The following CADPS2 variants were observed in gnomAD, a reference collection of about 807,000 sequenced individuals.
The protein encoded by CADPS2 is calcium dependent secretion activator 2.
CADPS2 carries 93 observed loss-of-function variants against 172.5 expected under a neutral mutation model. The observed-to-expected ratio is 0.54, with a 90% CI of 0.46 to 0.64. The LOEUF (loss-of-function observed/expected upper bound fraction) is 0.64, where lower values mean the gene tolerates loss of function less well. CADPS2 is among the 30% of genes least tolerant of loss of function. The pLI, the probability that CADPS2 is intolerant of heterozygous loss-of-function variation, is 0.00. For synonymous variants in CADPS2, 546 were observed against 555.2 expected (o/e 0.98, Z 0.23); for missense variants, 1,420 against 1,565.9 (o/e 0.91, Z 1.57).
chr7:122,369,499 G>C (rs545612352), intron 25 of CADPS2: 1 of 152,246 alleles, frequency 6.6e-6, no homozygotes, highest in African/African-American at 2.4e-5. Context: ...CTTGGCCTGA[G>C]AACAGTGGCT....
chr7:122,758,538 A>G (rs1045318936), intron 1 of CADPS2, among the ~76,000 whole-genome samples: 3 of 152,242 alleles, frequency 2.0e-5, no homozygotes, highest in Non-Finnish European at 4.4e-5. Flanking sequence ...TCAAAATACT[A>G]TACCTTTAAA....
At chr7:122,809,792 G>T (rs895345719) in intron 1 of CADPS2, among the ~76,000 whole-genome samples, 7 of 152,106 alleles carry the variant, frequency 4.6e-5, no homozygotes, top group African/African-American at 1.4e-4. Flanking sequence ...TCATGCAAGT[G>T]TCCAGTCCAC....
chr7:122,695,586 C>A (rs1006266352), intron 2 of CADPS2, among the ~76,000 whole-genome samples: 8 of 152,152 alleles, frequency 5.3e-5, no homozygotes, highest in Non-Finnish European at 1.2e-4. Flanking sequence ...AGTCCTCTAC[C>A]TGGCACATGG....
At position 122,844,905 on chromosome 7, in the gene CADPS2, T is replaced by TAA. The variant is rs11378013; in HGVS notation, c.339+41092_339+41093dup. Among the ~76,000 whole-genome samples the TAA allele has an allele frequency of 3.1e-3, 459 of 147,304 alleles. 2 individuals carry two copies. The highest frequency in any genetic ancestry group is 0.01 in the Middle Eastern group (3 of 288). ...AAAACAACATCAAAATGAAAAAAGGTAAAAAAAAAAAATCATTTTATTCTA... is the reference window on the plus strand; with the variant it reads ...AAAACAACATCAAAATGAAAAAAGGTAAAAAAAAAAAAAATCATTTTATTCTA... On this transcript the variant is annotated intron_variant, in intron 1 of 29. Coordinates refer to ENST00000449022, the MANE Select transcript of CADPS2 (RefSeq NM_017954.11).
Position 122,663,409 on chromosome 7 carries a change from G to T in CADPS2, c.614C>A (p.Ala205Asp), listed in dbSNP as rs769948256. The part of the protein sequence containing the change: ...SKETVLSSWI[A>D]KYDAIYRGEE... Reference sequence around the variant, plus strand: ...ACCTCTGTAAATGGCATCATATTTGGCTATCCATGAGCTCAACACTGTCTC... The same window carrying T: ...ACCTCTGTAAATGGCATCATATTTGTCTATCCATGAGCTCAACACTGTCTC... Residue 205 changes from alanine to aspartate, a missense_variant, in exon 3 of 30, where the codon GCC (alanine) becomes GAC (aspartate). Transcript: ENST00000449022. The T allele has an allele frequency of 1.1e-5, 17 of 1,613,708 alleles. No homozygotes were observed. Among genetic ancestry groups the T allele is most frequent in the Non-Finnish European group, 1.4e-5 (17 of 1,179,874 alleles).
chr7:122,672,498 G>GT (rs1260439919), intron 2 of CADPS2, among the ~76,000 whole-genome samples: 1 of 152,276 alleles, frequency 6.6e-6, no homozygotes, highest in Non-Finnish European at 1.5e-5. Context: ...AATCCTTACA[G>GT]TCACCTAGTA....
intron 17 of CADPS2, among the ~76,000 whole-genome samples, chr7:122,423,507 G>T (rs2048782756): frequency 6.6e-6 from 1 of 152,126 alleles, no homozygotes; most frequent in Non-Finnish European, 1.5e-5. Context: ...GTTCTTTAGG[G>T]TCAAGTGGCC....
At position 122,471,383 on chromosome 7, in the gene CADPS2, G is replaced by A. The variant is rs147217313; in HGVS notation, c.2178C>T (p.His726=). 1.5e-4 allele frequency: 239 copies of A among 1,610,468 alleles called. No homozygotes were observed. In the East Asian group the frequency reaches 2.9e-3, roughly 19 times the overall value. Residue 726 remains histidine (H), a synonymous_variant, in exon 14 of 30, where the codon CAC becomes CAT. Transcript: ENST00000449022. ...TTTGCAAGTAAAAATACCTGTTGCC[G>A]TGCACATGAGAGGCACAGAATGCAA... ...YSFAFCASHV[H]GNRPDGIGTV...
At position 122,318,615 on chromosome 7, in the gene CADPS2, C is replaced by T. The variant is rs1203245306; in HGVS notation, c.*1550G>A. The T allele has an allele frequency of 2.0e-5, 3 of 152,188 alleles. No homozygotes were observed. The highest frequency in any genetic ancestry group is 6.5e-5 in the Admixed American group (1 of 15,270). The allele number at this position is 152,188 out of a possible 1,614,324, so 9.4% of individuals were successfully genotyped here. A position where few individuals can be genotyped will look rare whatever the true frequency, so the allele number is the denominator to read the frequency against. On this transcript the variant is annotated 3_prime_UTR_variant, in exon 30 of 30. Transcript: ENST00000449022. ...GAATAGAGAAGAAAAGGAGGGAGAA[C>T]ATTCCCAAACTGCCTTTCAAAGATA...
intron 1 of CADPS2, among the ~76,000 whole-genome samples, chr7:122,760,005 C>T (rs1218377176): frequency 6.6e-6 from 1 of 151,340 alleles, no homozygotes; most frequent in Non-Finnish European, 1.5e-5. Flanking sequence ...TATATATACA[C>T]ACACACACAC....
intron 1 of CADPS2, among the ~76,000 whole-genome samples, chr7:122,869,248 A>C (rs1049151416): frequency 6.6e-6 from 1 of 152,078 alleles, no homozygotes; most frequent in East Asian, 1.9e-4. Flanking sequence ...ACAATAAGAC[A>C]CATTATAATC....
At chr7:122,811,708 T>C (rs1396050770) in intron 1 of CADPS2, among the ~76,000 whole-genome samples, 1 of 152,150 alleles carries the variant, frequency 6.6e-6, no homozygotes, top group Non-Finnish European at 1.5e-5. Context: ...AAAAACAAAT[T>C]ATGGTCTTTG....
chr7:122,455,768 A>G (rs1166782466), intron 14 of CADPS2, among the ~76,000 whole-genome samples: 2 of 152,110 alleles, frequency 1.3e-5, no homozygotes, highest in Admixed American at 1.3e-4. Context: ...GTGCAGTGGC[A>G]CAATTTCAGC....
At position 122,801,179 on chromosome 7, in the gene CADPS2, A is replaced by T. The variant is rs532966158; in HGVS notation, c.340-64111T>A. Among the ~76,000 whole-genome samples, 6 of 152,276 alleles carry T rather than the reference A, an allele frequency of 3.9e-5. No individual in the cohort carries two copies. In the South Asian group the frequency reaches 1.2e-3, roughly 32 times the overall value. ...CAAAAATATGTACATATAGGGAGAG[A>T]TAGAGACCAAAACAGAATGTTCAAC... On this transcript the variant is annotated intron_variant, in intron 1 of 29. Coordinates refer to ENST00000449022, the MANE Select transcript of CADPS2 (RefSeq NM_017954.11).
At chr7:122,734,387 GAAAA>G (rs768675808) in intron 2 of CADPS2, among the ~76,000 whole-genome samples, 1 of 90,798 alleles carries the variant, frequency 1.1e-5, no homozygotes, top group African/African-American at 4.0e-5. Context: ...AAAAAAAAAA[GAAAA>G]AAAAAAAAGA....
chr7:122,366,682 T>C (rs559109854), intron 25 of CADPS2: 8 of 121,318 alleles, frequency 6.6e-5, no homozygotes, highest in East Asian at 4.0e-4. Context: ...TATATATATA[T>C]ACGTATATAT....
chr7:122,772,323 C>A lies in CADPS2; in HGVS notation c.340-35255G>T, dbSNP rs970992134. On this transcript the variant is annotated intron_variant, in intron 1 of 29. Coordinates refer to ENST00000449022, the MANE Select transcript of CADPS2 (RefSeq NM_017954.11). ...TAAAAATGTGATTAACATATCACTT[C>A]AATAGTCCAAACATTTTGAAACCAT... Among the ~76,000 whole-genome samples the A allele has an allele frequency of 3.9e-5, 6 of 152,262 alleles. No homozygotes were observed. The East Asian group carries it at 1.2e-3, about 29-fold the overall frequency.
At chr7:122,688,237 A>G (rs1194320658) in intron 2 of CADPS2, among the ~76,000 whole-genome samples, 1 of 152,262 alleles carries the variant, frequency 6.6e-6, no homozygotes, top group African/African-American at 2.4e-5. Flanking sequence ...TTTTAAAATC[A>G]GTGTTACCCT....
chr7:122,749,426 A>G (rs2092855199), intron 1 of CADPS2, among the ~76,000 whole-genome samples: 1 of 152,174 alleles, frequency 6.6e-6, no homozygotes, highest in African/African-American at 2.4e-5. Context: ...TCCAGTAAGG[A>G]GACCTGAACT....
Sources: gnomAD v4.1 joint callset for allele counts (sites outside exome capture counted in the v4.1 genomes callset) on GRCh38, gnomAD v4.1.1 for gene constraint, MANE v1.5 for transcripts, NCBI Gene and HGNC (gene_info 2026-07-23, HGNC 2026-07-21) for gene names.